PPM1L: variants seen among roughly 807,000 people sequenced by gnomAD.
PPM1L encodes protein phosphatase, Mg2+/Mn2+ dependent 1L.
Under a neutral mutation model 31.4 loss-of-function variants are expected in PPM1L, and 13 were observed. The ratio of observed to expected loss-of-function variants is 0.41; its 90% CI spans 0.27 to 0.66. The LOEUF (loss-of-function observed/expected upper bound fraction) is 0.66. Among genes scored for constraint, PPM1L ranks in the 30% least tolerant of loss-of-function variants. PPM1L has a pLI of 0.29. For missense variants in PPM1L, 326 were observed against 453.7 expected (o/e 0.72, Z 2.56); for synonymous variants, 184 against 175.4 (o/e 1.05, Z -0.39).
chr3:160,852,304 A>G (rs1476678693), intron 1 of PPM1L, among the ~76,000 whole-genome samples: 2 of 152,204 alleles, frequency 1.3e-5, no homozygotes, highest in African/African-American at 2.4e-5. Flanking sequence ...GTGTTACAAA[A>G]ACAAAAAAAA....
chr3:161,009,588 T>G (rs1465709648), intron 2 of PPM1L, among the ~76,000 whole-genome samples: 2 of 152,190 alleles, frequency 1.3e-5, no homozygotes, highest in Non-Finnish European at 2.9e-5. Context: ...CTGCAGCCTC[T>G]TAAAATGCAG....
intron 2 of PPM1L, among the ~76,000 whole-genome samples, chr3:160,981,732 T>TTTTATTTATTTATTTATTTA: frequency 7.1e-6 from 1 of 139,900 alleles, no homozygotes; most frequent in South Asian, 2.3e-4. Flanking sequence ...TTCCTTCTCA[T>TTTTATTTATTTATTTATTTA]TTTATTTATT....
At chr3:160,876,454 T>G (rs938853259) in intron 1 of PPM1L, among the ~76,000 whole-genome samples, 1 of 152,226 alleles carries the variant, frequency 6.6e-6, no homozygotes, top group Admixed American at 6.5e-5. Context: ...TTTATATGTA[T>G]ATCATGCCTT....
At chr3:160,916,621 C>G (rs367749312) in intron 1 of PPM1L, among the ~76,000 whole-genome samples, 1 of 152,074 alleles carries the variant, frequency 6.6e-6, no homozygotes, top group African/African-American at 2.4e-5. Context: ...GTACACTCTG[C>G]AATCTACTTA....
chr3:160,870,927 G>A (rs1018346716), intron 1 of PPM1L, among the ~76,000 whole-genome samples: 7 of 152,056 alleles, frequency 4.6e-5, no homozygotes, highest in African/African-American at 1.7e-4. Context: ...TTAAATCTTG[G>A]TAGACAAATG....
chr3:160,959,502 G>A (rs1346440056), intron 1 of PPM1L, among the ~76,000 whole-genome samples: 1 of 152,108 alleles, frequency 6.6e-6, no homozygotes, highest in Non-Finnish European at 1.5e-5. Flanking sequence ...AATTACAATA[G>A]TAAGAACATG....
chr3:161,062,980 CAG>C (rs1719619027), intron 2 of PPM1L, among the ~76,000 whole-genome samples: 1 of 152,024 alleles, frequency 6.6e-6, no homozygotes, highest in Non-Finnish European at 1.5e-5. Context: ...CTAGAAAGTG[CAG>C]AGTGAGAAGA....
At chr3:160,975,669 C>G (rs1490545139) in intron 2 of PPM1L, among the ~76,000 whole-genome samples, 2 of 152,158 alleles carry the variant, frequency 1.3e-5, no homozygotes, top group African/African-American at 4.8e-5. Context: ...ATTTGGCTCT[C>G]TGTTTGTCTG....
At chr3:161,024,264 CAA>C (rs34662106) in intron 2 of PPM1L, among the ~76,000 whole-genome samples, 34 of 92,498 alleles carry the variant, frequency 3.7e-4, no homozygotes, top group Admixed American at 4.4e-4. Context: ...GACTCCGTCT[CAA>C]AAAAAAAAAA....
At position 161,069,426 on chromosome 3, in the gene PPM1L, A is replaced by G. The variant is rs1576628309; in HGVS notation, c.*269A>G. On this transcript the variant is annotated 3_prime_UTR_variant, in exon 4 of 4. Transcript: ENST00000498165. Reference sequence around the variant, plus strand: ...TATAAGTAAATAGCTGTAGAGTCACATATATGAAGTGAATAGCATATGTGT... The same window carrying G: ...TATAAGTAAATAGCTGTAGAGTCACGTATATGAAGTGAATAGCATATGTGT... 2.2e-6 allele frequency: 1 copy of G among 461,478 alleles called. No homozygotes were observed. The allele number at this position is 461,478 out of a possible 1,614,324, so 28.6% of individuals were successfully genotyped here. A position where few individuals can be genotyped will look rare whatever the true frequency, so the allele number is the denominator to read the frequency against.
rs555553236 is a variant in PPM1L, at chr3:160,885,899, G to A, written c.400-75837G>A. ...GCTGTGTAAGCCATGTGAGCTCCTTGGGGGAGGGGCAGCAGCCAGCACTGG... is the reference window on the plus strand; with the variant it reads ...GCTGTGTAAGCCATGTGAGCTCCTTAGGGGAGGGGCAGCAGCCAGCACTGG... On this transcript the variant is annotated intron_variant, in intron 1 of 3. Coordinates refer to ENST00000498165, the MANE Select transcript of PPM1L (RefSeq NM_139245.4). 3.9e-5 allele frequency among the ~76,000 whole-genome samples: 6 copies of A among 152,340 alleles called. No homozygotes were observed. The South Asian group carries it at 6.2e-4, about 16-fold the overall frequency.
At chr3:160,826,931 A>C (rs1226613537) in intron 1 of PPM1L, among the ~76,000 whole-genome samples, 1 of 152,200 alleles carries the variant, frequency 6.6e-6, no homozygotes, top group Non-Finnish European at 1.5e-5. Flanking sequence ...GTTTAAAAAA[A>C]CACACATGAA....
intron 2 of PPM1L, among the ~76,000 whole-genome samples, chr3:161,043,309 T>C (rs956300578): frequency 6.6e-6 from 1 of 152,180 alleles, no homozygotes; most frequent in African/African-American, 2.4e-5. Context: ...CCACATGTTA[T>C]GCAGTTGGGG....
At chr3:160,912,260 G>A (rs1714001913) in intron 1 of PPM1L, among the ~76,000 whole-genome samples, 1 of 152,138 alleles carries the variant, frequency 6.6e-6, no homozygotes, top group Admixed American at 6.5e-5. Flanking sequence ...TATTATACAA[G>A]GGGGAATCTA....
chr3:160,857,012 A>G (rs962336416), intron 1 of PPM1L, among the ~76,000 whole-genome samples: 1 of 152,172 alleles, frequency 6.6e-6, no homozygotes, highest in African/African-American at 2.4e-5. Context: ...GTTTGATTCT[A>G]ACTTTCCTAT....
intron 1 of PPM1L, among the ~76,000 whole-genome samples, chr3:160,902,824 T>G (rs1713591053): frequency 6.6e-6 from 1 of 152,044 alleles, no homozygotes; most frequent in Non-Finnish European, 1.5e-5. Flanking sequence ...TTCTACCGTG[T>G]CCCTTGATAC....
intron 2 of PPM1L, chr3:161,035,980 G>C (rs752471646): frequency 4.6e-5 from 7 of 152,188 alleles, no homozygotes; most frequent in Non-Finnish European, 8.8e-5. Flanking sequence ...ACAGAAAAAA[G>C]GGGAAACAGT....
At chr3:161,032,851 CCTAG>C (rs1441545126) in intron 2 of PPM1L, among the ~76,000 whole-genome samples, 1 of 149,286 alleles carries the variant, frequency 6.7e-6, no homozygotes, top group Non-Finnish European at 1.5e-5. Flanking sequence ...CATCACCACG[CCTAG>C]CTAATTTTGT....
At chr3:161,064,903 C>A (rs902758122) in intron 2 of PPM1L, among the ~76,000 whole-genome samples, 11 of 152,022 alleles carry the variant, frequency 7.2e-5, no homozygotes, top group African/African-American at 2.7e-4. Context: ...TTTGTATAGG[C>A]AAGCTCAACC....
Sources: gnomAD v4.1 joint callset for allele counts (sites outside exome capture counted in the v4.1 genomes callset) on GRCh38, gnomAD v4.1.1 for gene constraint, MANE v1.5 for transcripts, NCBI Gene and HGNC (gene_info 2026-07-23, HGNC 2026-07-21) for gene names.